CACNA1H: variants seen among roughly 807,000 people sequenced by gnomAD.
CACNA1H encodes the protein calcium voltage-gated channel subunit alpha1 H, also known as voltage-dependent T-type calcium channel subunit alpha-1H.
A neutral mutation model predicts 192.5 loss-of-function variants in CACNA1H; 149 were observed. The observed-to-expected ratio is 0.77, with a 90% CI of 0.68 to 0.89. The LOEUF (loss-of-function observed/expected upper bound fraction) is 0.89, where lower values mean the gene tolerates loss of function less well. CACNA1H is among the 40% of genes least tolerant of loss of function. The pLI is 0.00. For synonymous variants in CACNA1H, 2,202 were observed against 1,475.2 expected (o/e 1.49, Z -11.29); for missense variants, 4,257 against 3,423.5 (o/e 1.24, Z -6.08).
intron 12 of CACNA1H, chr16:1,206,518 C>T (rs557111396): frequency 7.1e-5 from 39 of 552,926 alleles, no homozygotes; most frequent in Middle Eastern, 4.7e-4. Context: ...AGAGATGGGC[C>T]GCCAGGTGGA....
chr16:1,168,202 C>A (rs953718462), intron 2 of CACNA1H, among the ~76,000 whole-genome samples: 7 of 151,938 alleles, frequency 4.6e-5, no homozygotes, highest in Admixed American at 1.3e-4. Context: ...ATCCCCCCCC[C>A]CAAGTGACAG....
In CACNA1H at chr16:1,200,662, C is replaced by T. The variant is rs536962880; in HGVS notation, c.1120-54C>T. The T allele has an allele frequency of 3.7e-4, 587 of 1,570,034 alleles. 2 individuals carry two copies. Among genetic ancestry groups the T allele is most frequent in the Middle Eastern group, 8.7e-4 (5 of 5,756 alleles). ...CCCCCCAGCCCAGACCCCAGGGGCA[C>T]GGGGAGGAGGAGGAGGGGTCGTGCG... On this transcript the variant is annotated intron_variant, in intron 7 of 34. Transcript: ENST00000348261.
intron 30 of CACNA1H, among the ~76,000 whole-genome samples, chr16:1,216,615 C>T (rs1275239272): frequency 2.0e-5 from 3 of 152,232 alleles, no homozygotes; most frequent in African/African-American, 7.2e-5. Flanking sequence ...ACCTGCTGGG[C>T]AGAGTGTGGA....
chr16:1,155,602 C>T (rs1018002307), intron 2 of CACNA1H, among the ~76,000 whole-genome samples: 11 of 152,080 alleles, frequency 7.2e-5, no homozygotes, highest in Non-Finnish European at 1.5e-5. Flanking sequence ...GTTGAGCAAG[C>T]CTGGACTCTC....
chr16:1,206,799 G>C, intron 12 of CACNA1H: 1 of 566,054 alleles, frequency 1.8e-6, no homozygotes, highest in Non-Finnish European at 3.2e-6. Flanking sequence ...CCTGTGGAAT[G>C]GACACTACTG....
In CACNA1H at chr16:1,210,902, C is replaced by T. The variant is rs773333921; in HGVS notation, c.4154C>T (p.Ser1385Leu). 17 of 1,604,052 alleles carry T rather than the reference C, an allele frequency of 1.1e-5. No individual in the cohort carries two copies. The highest frequency in any genetic ancestry group is 5.0e-5 in the Admixed American group (3 of 59,998). Residue 1385 changes from serine (S) to leucine (L), a missense_variant, in exon 21 of 35, where the codon TCG (serine) becomes TTG (leucine). Coordinates refer to ENST00000348261, the MANE Select transcript of CACNA1H (RefSeq NM_021098.3). ...GTGGACATTGTCGTGGCCATGGCCT[C>T]GGCTGGTGGCGCCAAGATCCTGGGT... ...SLVDIVVAMA[S>L]AGGAKILGVL...
In CACNA1H at chr16:1,220,496, C is replaced by T. The variant is rs1168662375; in HGVS notation, c.6564C>T (p.Ser2188=). ...GTGCGCGCAGAAAGAAGAAGATGAGCCCCCCCTGCATCTCGGTGGAACCCC... is the reference window on the plus strand; with the variant it reads ...GTGCGCGCAGAAAGAAGAAGATGAGTCCCCCCTGCATCTCGGTGGAACCCC... ...ALGARRKKKM[S]PPCISVEPPA... is the part of the protein sequence containing the mutation. Residue 2188 remains serine (S), a synonymous_variant, in exon 35 of 35, where the codon AGC becomes AGT. Transcript: ENST00000348261. The T allele has an allele frequency of 1.3e-6, 2 of 1,541,568 alleles. No individual in the cohort carries two copies. Among genetic ancestry groups the T allele is most frequent in the African/African-American group, 1.4e-5 (1 of 71,750 alleles).
chr16:1,179,903 T>C (rs1013884883), intron 2 of CACNA1H, among the ~76,000 whole-genome samples: 6 of 150,904 alleles, frequency 4.0e-5, no homozygotes, highest in African/African-American at 1.2e-4. Flanking sequence ...CCCAGCTAAT[T>C]GTTTTGTATT....
chr16:1,161,826 C>G (rs1028003730), intron 2 of CACNA1H, among the ~76,000 whole-genome samples: 1 of 152,120 alleles, frequency 6.6e-6, no homozygotes, highest in Non-Finnish European at 1.5e-5. Context: ...GAGCAGCACC[C>G]GGACCTCCTG....
At chr16:1,195,774 C>A (rs976754165) in intron 4 of CACNA1H, among the ~76,000 whole-genome samples, 152 bp from the exon 5 acceptor site, 1 of 152,168 alleles carries the variant, frequency 6.6e-6, no homozygotes. Context: ...GCGTTGTGCT[C>A]CTGCTACCTC....
chr16:1,196,062 C>T (rs2141203311), intron 5 of CACNA1H, 39 bp downstream of exon 5: 1 of 1,509,848 alleles, frequency 6.6e-7, no homozygotes, highest in South Asian at 1.1e-5. Flanking sequence ...GATCAACAGG[C>T]TTGCGTGTCC....
intron 2 of CACNA1H, among the ~76,000 whole-genome samples, chr16:1,171,582 A>G (rs1443340454): frequency 1.3e-5 from 2 of 152,202 alleles, no homozygotes; most frequent in African/African-American, 4.8e-5. Context: ...GCAGAAAACC[A>G]GAGGCGCCTC....
chr16:1,196,060 G>A (rs368371250), intron 5 of CACNA1H, 37 bp downstream of exon 5: 34 of 1,521,384 alleles, frequency 2.2e-5, no homozygotes, highest in South Asian at 1.5e-4. Context: ...GAGATCAACA[G>A]GCTTGCGTGT....
chr16:1,172,543 G>A (rs898878397), intron 2 of CACNA1H, among the ~76,000 whole-genome samples: 8 of 152,198 alleles, frequency 5.3e-5, no homozygotes, highest in Non-Finnish European at 8.8e-5. Context: ...TCTGTGGAGG[G>A]AACCCCGAGG....
chr16:1,196,666 T>C (rs1260374782), intron 5 of CACNA1H, among the ~76,000 whole-genome samples: 1 of 151,938 alleles, frequency 6.6e-6, no homozygotes, highest in East Asian at 1.9e-4. Flanking sequence ...GGCCAGCAGG[T>C]GTGAGGAGGG....
chr16:1,200,847 G>T lies in CACNA1H; in HGVS notation c.1212+39G>T, dbSNP rs1161553440. On this transcript the variant is annotated intron_variant, in intron 8 of 34. Transcript: ENST00000348261. The stretch of plus-strand genomic sequence containing the variant: ...GCAGTGTTCGCCATGATGGGCCCTG[G>T]TGTTAGCTGGCTGGGGGTGGGGTGG... 7 of 1,493,588 alleles carry T rather than the reference G, an allele frequency of 4.7e-6. No individual in the cohort carries two copies. In the Admixed American group the frequency reaches 9.8e-5, roughly 21 times the overall value. The allele number at this position is 1,493,588 out of a possible 1,614,324, so 92.5% of individuals were successfully genotyped here.
rs780010118 is a variant in CACNA1H at position 1,201,621 on chromosome 16, C to T, written c.1213-42C>T. 10 of 1,513,618 alleles carry T rather than the reference C, an allele frequency of 6.6e-6. No homozygotes were observed. In the East Asian group the frequency reaches 1.5e-4, roughly 22 times the overall value. The allele number at this position is 1,513,618 out of a possible 1,614,324, so 93.8% of individuals were successfully genotyped here. On this transcript the variant is annotated intron_variant, in intron 8 of 34. Coordinates refer to ENST00000348261, the MANE Select transcript of CACNA1H (RefSeq NM_021098.3). Reference sequence around the variant, plus strand: ...GTAGGGCTCAGTGGCGAATCAGAGACTCGCTCACTCACTGCCACTTACCCG... The same window carrying T: ...GTAGGGCTCAGTGGCGAATCAGAGATTCGCTCACTCACTGCCACTTACCCG...
At chr16:1,207,885 G>T (rs780180942) in intron 15 of CACNA1H, 25 bp downstream of exon 15, 10 of 1,561,442 alleles carry the variant, frequency 6.4e-6, no homozygotes, top group Non-Finnish European at 8.7e-6. Context: ...TGGGTGGTCC[G>T]GGTTCTGGCG....
In CACNA1H at chr16:1,210,102, C is replaced by T. The variant is rs771441430; in HGVS notation, c.3812C>T (p.Ala1271Val). The T allele has an allele frequency of 1.9e-6, 3 of 1,559,934 alleles. No homozygotes were observed. Among genetic ancestry groups the T allele is most frequent in the Admixed American group, 1.9e-5 (1 of 52,710 alleles). ...CCCCAGTGGTGCCGGAGCCGCGAGG[C>T]CTGGGCCCTCTACCTCTTCTCCCCA... ...YKPQWCRSRE[A>V]WALYLFSPQN... The change falls in exon 18 of 35, where the codon GCC becomes GTC. Residue 1271 changes from alanine (A) to valine (V), a missense_variant. Transcript: ENST00000348261.
Sources: gnomAD v4.1 joint callset for allele counts (sites outside exome capture counted in the v4.1 genomes callset) on GRCh38, gnomAD v4.1.1 for gene constraint, MANE v1.5 for transcripts, NCBI Gene and HGNC (gene_info 2026-07-23, HGNC 2026-07-21) for gene names.